STX8: variants seen among roughly 807,000 people sequenced by gnomAD.
The protein encoded by STX8 is syntaxin-8.
Under a neutral mutation model 37.5 loss-of-function variants are expected in STX8, and 23 were observed. The observed-to-expected ratio is 0.61, with a 90% CI of 0.44 to 0.87. The LOEUF (loss-of-function observed/expected upper bound fraction) is 0.87. STX8 is among the 40% of genes least tolerant of loss of function. The probability of loss-of-function intolerance (pLI) is 0.00; values close to 1 mark genes in which losing one functional copy is unlikely to be tolerated. For missense variants in STX8, 313 were observed against 284.7 expected, an observed-to-expected ratio of 1.10 and a Z score of -0.71; for synonymous variants, 115 against 99.1, an observed-to-expected ratio of 1.16 and a Z score of -0.95.
chr17:9,365,638 A>C (rs1249848847), intron 7 of STX8, among the ~76,000 whole-genome samples: 1 of 152,262 alleles, frequency 6.6e-6, no homozygotes, highest in Non-Finnish European at 1.5e-5. Context: ...AAAAGTTATC[A>C]AGGAAAAGAG....
intron 7 of STX8, among the ~76,000 whole-genome samples, chr17:9,329,379 T>C (rs1488075073): frequency 6.6e-6 from 1 of 152,192 alleles, no homozygotes; most frequent in African/African-American, 2.4e-5. Flanking sequence ...TTTCCAACAC[T>C]TGAAATGAAC....
intron 6 of STX8, among the ~76,000 whole-genome samples, chr17:9,402,164 G>C (rs991824697): frequency 6.6e-5 from 10 of 152,056 alleles, no homozygotes; most frequent in Non-Finnish European, 1.3e-4. Context: ...TTGTTCCCCA[G>C]GCTGGAGTGC....
intron 6 of STX8, among the ~76,000 whole-genome samples, chr17:9,380,715 T>TG (rs1266689608): frequency 1.4e-5 from 2 of 145,990 alleles, no homozygotes; most frequent in Non-Finnish European, 3.0e-5. Context: ...GAAACTTTTT[T>TG]TTTTTTTTTT....
intron 7 of STX8, among the ~76,000 whole-genome samples, chr17:9,342,033 C>T (rs1024286446): frequency 1.3e-5 from 2 of 152,046 alleles, no homozygotes; most frequent in Non-Finnish European, 2.9e-5. Context: ...TCACAGAAGA[C>T]AATTTTTCCA....
At chr17:9,320,893 T>C (rs1245551163) in intron 7 of STX8, among the ~76,000 whole-genome samples, 4 of 147,458 alleles carry the variant, frequency 2.7e-5, no homozygotes, top group Non-Finnish European at 5.9e-5. Context: ...AGCAAGACTA[T>C]TTTCCAAAAA....
Position 9,574,673 on chromosome 17 carries a change from T to C in STX8, c.17+1119A>G, listed in dbSNP as rs111500361. On this transcript the variant is annotated intron_variant, in intron 1 of 7. Coordinates refer to ENST00000306357, the MANE Select transcript of STX8 (RefSeq NM_004853.3). ...CCTCAGTCTCCCGAGTAGCTGGGAT[T>C]ACAGGCATGTACTACCATGCCCGGC... 8.5e-3 allele frequency among the ~76,000 whole-genome samples: 1,294 copies of C among 152,184 alleles called. 24 individuals are homozygous for C. Among genetic ancestry groups the C allele is most frequent in the African/African-American group, 0.029 (1,206 of 41,544 alleles).
intron 7 of STX8, among the ~76,000 whole-genome samples, chr17:9,349,633 T>C (rs923800536): frequency 6.6e-6 from 1 of 152,122 alleles, no homozygotes; most frequent in Non-Finnish European, 1.5e-5. Context: ...ATAAAGTTAA[T>C]TTCTAAGTTA....
chr17:9,409,283 C>T (rs1422483114), intron 6 of STX8, among the ~76,000 whole-genome samples: 5 of 152,126 alleles, frequency 3.3e-5, no homozygotes, highest in Non-Finnish European at 7.3e-5. Context: ...AGGCAAACAC[C>T]TGGTGTTTAA....
At chr17:9,262,162 T>C (rs1417540117) in intron 7 of STX8, among the ~76,000 whole-genome samples, 1 of 152,178 alleles carries the variant, frequency 6.6e-6, no homozygotes, top group East Asian at 1.9e-4. Context: ...TAAAAGGAAA[T>C]CATTTGACCA....
At chr17:9,527,173 G>A (rs1399842403) in intron 4 of STX8, among the ~76,000 whole-genome samples, 12 of 15,098 alleles carry the variant, frequency 7.9e-4, no homozygotes, top group Admixed American at 1.0e-3. Context: ...GCGACAGAGC[G>A]AGACTCCGTC....
intron 4 of STX8, among the ~76,000 whole-genome samples, chr17:9,511,087 C>A (rs1289954213): frequency 6.6e-6 from 1 of 151,900 alleles, no homozygotes; most frequent in Non-Finnish European, 1.5e-5. Context: ...CTGAACAGAC[C>A]AATAACAAGT....
At chr17:9,564,759 C>T (rs1876653019) in intron 2 of STX8, among the ~76,000 whole-genome samples, 1 of 152,150 alleles carries the variant, frequency 6.6e-6, no homozygotes, top group Non-Finnish European at 1.5e-5. Flanking sequence ...GAAGCAATAT[C>T]GTTAAAATGG....
chr17:9,442,708 T>C (rs1904711046), intron 6 of STX8, among the ~76,000 whole-genome samples: 1 of 152,154 alleles, frequency 6.6e-6, no homozygotes, highest in Non-Finnish European at 1.5e-5. Flanking sequence ...GTGCCCGGCC[T>C]GTATCTTCTT....
chr17:9,252,102 C>T (rs1192513084), intron 7 of STX8, among the ~76,000 whole-genome samples: 1 of 150,928 alleles, frequency 6.6e-6, no homozygotes, highest in African/African-American at 2.4e-5. Context: ...GTCAGGAGTT[C>T]GAGACCAGCC....
At chr17:9,558,094 C>A (rs963821252) in intron 2 of STX8, among the ~76,000 whole-genome samples, 1 of 152,100 alleles carries the variant, frequency 6.6e-6, no homozygotes, top group African/African-American at 2.4e-5. Context: ...CAGGAGGGTG[C>A]GCATTTTCTC....
At chr17:9,557,128 G>A (rs757276900) in intron 3 of STX8, 5 of 238,640 alleles carry the variant, frequency 2.1e-5, no homozygotes, top group Non-Finnish European at 3.4e-5. Context: ...TGGTCAAGGC[G>A]GTCTAGACAG....
chr17:9,343,340 GTT>G (rs1567791606), intron 7 of STX8, among the ~76,000 whole-genome samples: 1 of 152,136 alleles, frequency 6.6e-6, no homozygotes, highest in African/African-American at 2.4e-5. Context: ...AATTAGAACT[GTT>G]CTCTCTACTG....
chr17:9,461,435 T>C (rs1905382898), intron 6 of STX8: 1 of 152,198 alleles, frequency 6.6e-6, no homozygotes, highest in African/African-American at 2.4e-5. Flanking sequence ...TATGAATACA[T>C]TGTTCCTTTG....
intron 6 of STX8, among the ~76,000 whole-genome samples, chr17:9,388,225 C>T (rs1597640761): frequency 6.6e-6 from 1 of 151,684 alleles, no homozygotes; most frequent in East Asian, 2.0e-4. Context: ...ATGCCTGCCA[C>T]CACACCAGCT....
Sources: allele counts gnomAD v4.1 joint callset (sites outside exome capture counted in the v4.1 genomes callset), GRCh38; gene constraint gnomAD v4.1.1; transcripts MANE v1.5; gene names NCBI Gene and HGNC (gene_info 2026-07-23, HGNC 2026-07-21).